Variants in RPN2 observed in about 807,000 individuals in gnomAD.
RPN2 encodes ribophorin II.
In RPN2, 29 loss-of-function variants were observed where a neutral mutation model predicts 71.4. The observed-to-expected ratio is 0.41, with a 90% CI of 0.30 to 0.55. The LOEUF (loss-of-function observed/expected upper bound fraction) is 0.55. Ranked by LOEUF, RPN2 falls within the 20% of genes least tolerant of loss-of-function variation. The pLI is 0.35. For missense variants in RPN2, 726 were observed against 774.1 expected (o/e 0.94, Z 0.74); for synonymous variants, 308 against 305.0 (o/e 1.01, Z -0.10).
intron 9 of RPN2, among the ~76,000 whole-genome samples, chr20:37,217,289 A>G (rs13040345): frequency 2.1e-4 from 11 of 52,898 alleles, no homozygotes; most frequent in South Asian, 5.7e-4. Flanking sequence ...TATTATTATT[A>G]TTATTATTAT....
At chr20:37,212,089 G>A (rs2091876069) in intron 8 of RPN2, among the ~76,000 whole-genome samples, 1 of 152,028 alleles carries the variant, frequency 6.6e-6, no homozygotes, top group African/African-American at 2.4e-5. Flanking sequence ...ATTTTTAATG[G>A]CTGCATATTA....
intron 3 of RPN2, 87 bp from the exon 4 acceptor site, chr20:37,198,963 C>A: frequency 9.3e-7 from 1 of 1,074,334 alleles, no homozygotes; most frequent in Non-Finnish European, 1.4e-6. Context: ...GTGACTTTGG[C>A]AGCTGCTCCG....
chr20:37,230,148 T>C, intron 13 of RPN2, 89 bp downstream of exon 13: 1 of 1,028,784 alleles, frequency 9.7e-7, no homozygotes, highest in Non-Finnish European at 1.5e-6. Context: ...TAACTTGTTT[T>C]GTGATGTTTT....
At chr20:37,238,319 T>A (rs2068456406) in intron 16 of RPN2, 1 of 1,039,010 alleles carries the variant, frequency 9.6e-7, no homozygotes, top group Non-Finnish European at 1.5e-6. Context: ...GAAGCTCTGG[T>A]TGGGTGTTTG....
intron 9 of RPN2, among the ~76,000 whole-genome samples, chr20:37,222,112 G>A (rs2067973185): frequency 6.6e-6 from 1 of 152,124 alleles, no homozygotes; most frequent in Non-Finnish European, 1.5e-5. Context: ...TGTGTTTTTT[G>A]CAAGAAAGCT....
At chr20:37,189,733 G>C (rs2067101408) in intron 2 of RPN2, among the ~76,000 whole-genome samples, 1 of 152,342 alleles carries the variant, frequency 6.6e-6, no homozygotes, top group East Asian at 1.9e-4. Flanking sequence ...TCTCTGCAAA[G>C]GGAGTTATGA....
intron 2 of RPN2, among the ~76,000 whole-genome samples, chr20:37,193,966 A>G (rs896271570): frequency 3.3e-5 from 5 of 152,160 alleles, no homozygotes; most frequent in Admixed American, 3.3e-4. Context: ...GGAGAGCTCA[A>G]AACTGAGGGA....
At position 37,218,821 on chromosome 20, in the gene RPN2, A is replaced by T. The variant is rs529815602; in HGVS notation, c.1092+4956A>T. Among the ~76,000 whole-genome samples, 300 of 151,984 alleles carry T rather than the reference A, an allele frequency of 2.0e-3. 1 individual carries two copies. The highest frequency in any genetic ancestry group is 6.8e-3 in the African/African-American group (282 of 41,438). Reference sequence around the variant, plus strand: ...TTTTTTCACTTAACATAATACTTCTAAGGTTCATCCATGTTGTAGCATGTA... The same window carrying T: ...TTTTTTCACTTAACATAATACTTCTTAGGTTCATCCATGTTGTAGCATGTA... On this transcript the variant is annotated intron_variant, in intron 9 of 16. Transcript: ENST00000237530.
At chr20:37,210,806 A>G (rs2067643827) in intron 8 of RPN2, among the ~76,000 whole-genome samples, 1 of 152,074 alleles carries the variant, frequency 6.6e-6, no homozygotes, top group East Asian at 1.9e-4. Flanking sequence ...TGCTGAGGTT[A>G]CAGGCATGAG....
rs1216823175 is a variant in RPN2, at chr20:37,199,152, G to A, written c.406G>A (p.Gly136Ser). Reference protein sequence around the residue: ...YHAVAALSGFGLPLASQEALS... With the variant: ...YHAVAALSGFSLPLASQEALS... Reference sequence around the variant, plus strand: ...TGCAGTTGCAGCTCTAAGTGGCTTTGGCCTTCCCTTGGCATCCCAAGAAGC... The same window carrying A: ...TGCAGTTGCAGCTCTAAGTGGCTTTAGCCTTCCCTTGGCATCCCAAGAAGC... The change falls in exon 4 of 17, where the codon GGC becomes AGC. Residue 136 changes from glycine (G) to serine (S), a missense_variant. Physicochemically the swap from Gly to Ser is moderately conservative, Grantham distance 56. Coordinates refer to ENST00000237530, the MANE Select transcript of RPN2 (RefSeq NM_002951.5). 5 of 1,614,042 alleles carry A rather than the reference G, an allele frequency of 3.1e-6. No homozygotes were observed. The African/African-American group carries it at 4.0e-5, about 13-fold the overall frequency.
At chr20:37,187,807 A>AT (rs2146523007) in intron 2 of RPN2, among the ~76,000 whole-genome samples, 1 of 151,712 alleles carries the variant, frequency 6.6e-6, no homozygotes, top group Non-Finnish European at 1.5e-5. Context: ...TGCCTGGCTA[A>AT]TTTTTTGTAT....
intron 2 of RPN2, among the ~76,000 whole-genome samples, chr20:37,192,073 G>T (rs190536920): frequency 9.2e-5 from 14 of 152,280 alleles, no homozygotes; most frequent in Admixed American, 8.5e-4. Flanking sequence ...CTGCAGTCCA[G>T]CCTGGGCAAC....
chr20:37,197,496 C>G (rs997337849), intron 2 of RPN2, among the ~76,000 whole-genome samples: 1 of 152,166 alleles, frequency 6.6e-6, no homozygotes, highest in African/African-American at 2.4e-5. Context: ...GGGGAAAAGT[C>G]AAGGATGGTT....
chr20:37,232,253 G>A (rs775201030), intron 13 of RPN2, 43 bp from the exon 14 acceptor site: 7 of 1,611,728 alleles, frequency 4.3e-6, no homozygotes, highest in South Asian at 1.1e-5. Flanking sequence ...GCCCCTACTG[G>A]GAAGGGCACA....
At chr20:37,209,593 A>G (rs1388944073) in intron 7 of RPN2, among the ~76,000 whole-genome samples, 1 of 152,044 alleles carries the variant, frequency 6.6e-6, no homozygotes, top group Admixed American at 6.6e-5. Flanking sequence ...CTTCCTGAGT[A>G]TCTGGGACTA....
chr20:37,232,482 C>T, intron 14 of RPN2, 91 bp downstream of exon 14: 1 of 1,475,824 alleles, frequency 6.8e-7, no homozygotes, highest in Non-Finnish European at 9.4e-7. Flanking sequence ...TGTCTGGCCT[C>T]AGTAAAGCTC....
Position 37,236,582 on chromosome 20 carries a change from A to T in RPN2, c.1756A>T (p.Met586Leu), listed in dbSNP as rs1569002345. ...TIIFHLGHAA[M>L]LGLMYVYWTQ... ...TGTCATGACACCTCTTCTTGCAGCT[A>T]TGCTGGGACTCATGTATGTCTACTG... is the stretch of plus-strand genomic sequence containing the variant. Residue 586 changes from methionine to leucine, a missense_variant and splice_region_variant, in exon 16 of 17, where the codon ATG becomes TTG. Physicochemically the swap from Met to Leu is conservative, Grantham distance 15. Transcript: ENST00000237530. The T allele has an allele frequency of 6.2e-7, 1 of 1,614,026 alleles. No homozygotes were observed. Among genetic ancestry groups the T allele is most frequent in the Admixed American group, 1.7e-5 (1 of 59,998 alleles).
At chr20:37,198,366 C>A (rs1248991946) in intron 2 of RPN2, 31 bp from the exon 3 acceptor site, 1 of 1,614,166 alleles carries the variant, frequency 6.2e-7, no homozygotes, top group Admixed American at 1.7e-5. Context: ...CATGTGTCAC[C>A]ACTTAACATT....
chr20:37,216,644 T>A (rs1160196729), intron 9 of RPN2, among the ~76,000 whole-genome samples: 1 of 151,914 alleles, frequency 6.6e-6, no homozygotes, highest in African/African-American at 2.4e-5. Flanking sequence ...GCATTTTTAG[T>A]AGATACAGGG....
Sources: allele counts gnomAD v4.1 joint callset (sites outside exome capture counted in the v4.1 genomes callset), GRCh38; gene constraint gnomAD v4.1.1; transcripts MANE v1.5; gene names NCBI Gene and HGNC (gene_info 2026-07-23, HGNC 2026-07-21).